Variants in MTHFD1L observed in about 807,000 individuals in gnomAD.
MTHFD1L encodes methylenetetrahydrofolate dehydrogenase (NADP+ dependent) 1 like.
A neutral mutation model predicts 119.5 loss-of-function variants in MTHFD1L; 81 were observed. That is an observed-to-expected ratio of 0.68 (90% CI 0.57 to 0.82). The LOEUF is 0.82. Among genes scored for constraint, MTHFD1L ranks in the 40% least tolerant of loss-of-function variants. The pLI, the probability that MTHFD1L is intolerant of heterozygous loss-of-function variation, is 0.00. For missense variants in MTHFD1L, 1,125 were observed against 1,253.4 expected (o/e 0.90, Z 1.55); for synonymous variants, 430 against 475.2 (o/e 0.90, Z 1.24).
At chr6:150,890,318 T>C (rs1783028817) in intron 7 of MTHFD1L, among the ~76,000 whole-genome samples, 1 of 151,948 alleles carries the variant, frequency 6.6e-6, no homozygotes, top group African/African-American at 2.4e-5. Context: ...AGAGGGGCAG[T>C]GGTGGTTCTG....
At chr6:151,059,467 G>T (rs899164398) in intron 26 of MTHFD1L, among the ~76,000 whole-genome samples, 4 of 152,110 alleles carry the variant, frequency 2.6e-5, no homozygotes, top group Non-Finnish European at 5.9e-5. Context: ...ACGAGCCACC[G>T]CACCTGGCCA....
intron 20 of MTHFD1L, among the ~76,000 whole-genome samples, chr6:150,977,035 AG>A (rs1439620547): frequency 6.6e-6 from 1 of 152,208 alleles, no homozygotes; most frequent in Non-Finnish European, 1.5e-5. Context: ...CTATATGTCA[AG>A]TACTATCTGC....
intron 20 of MTHFD1L, among the ~76,000 whole-genome samples, chr6:150,987,215 A>G (rs576969127): frequency 3.9e-5 from 6 of 152,302 alleles, no homozygotes; most frequent in African/African-American, 1.4e-4. Context: ...AGTTGCATCT[A>G]GCAGGCTATT....
At chr6:150,913,111 C>T (rs1787217821) in intron 8 of MTHFD1L, among the ~76,000 whole-genome samples, 1 of 152,090 alleles carries the variant, frequency 6.6e-6, no homozygotes, top group Non-Finnish European at 1.5e-5. Context: ...AAGCGATCCT[C>T]CTGCCCCAGC....
Position 150,909,573 on chromosome 6 carries a change from C to T in MTHFD1L, c.892+3812C>T, listed in dbSNP as rs924750314. On this transcript the variant is annotated intron_variant, in intron 8 of 27. Transcript: ENST00000367321. ...AAAATTATTTCAAATGAAAAAACTACGCACTGCTCTTGTAGTGCCCTGCTT... is the reference window on the plus strand; with the variant it reads ...AAAATTATTTCAAATGAAAAAACTATGCACTGCTCTTGTAGTGCCCTGCTT... Among the ~76,000 whole-genome samples the T allele has an allele frequency of 5.3e-5, 8 of 152,262 alleles. No homozygotes were observed. In the South Asian group the frequency reaches 8.3e-4, roughly 16 times the overall value.
chr6:150,944,302 CCAGGCACAATG>C (rs1219883506), intron 13 of MTHFD1L, among the ~76,000 whole-genome samples, 173 bp from the exon 14 acceptor site: 2 of 152,002 alleles, frequency 1.3e-5, no homozygotes, highest in East Asian at 4.0e-4. Context: ...CAAAAATTAG[CCAGGCACAATG>C]GTGTGCACCT....
intron 27 of MTHFD1L, among the ~76,000 whole-genome samples, chr6:151,095,267 C>G (rs1483947106): frequency 6.6e-6 from 1 of 152,172 alleles, no homozygotes; most frequent in Non-Finnish European, 1.5e-5. Flanking sequence ...TTGTGTGTTG[C>G]CAATGTCTTC....
Position 150,895,004 on chromosome 6 carries a change from C to A in MTHFD1L, c.780+7023C>A, listed in dbSNP as rs114701615. The stretch of plus-strand genomic sequence containing the variant: ...CTAGAGGTGGGGAGGGGAAGAACGC[C>A]TGGGCATTTGTCCAAATTAGCCATA... On this transcript the variant is annotated intron_variant, in intron 7 of 27. Transcript: ENST00000367321. Among the ~76,000 whole-genome samples, 509 of 152,258 alleles carry A rather than the reference C, an allele frequency of 3.3e-3. 2 individuals carry two copies. The highest frequency in any genetic ancestry group is 0.012 in the African/African-American group (483 of 41,542).
At chr6:150,983,306 C>A (rs1441840792) in intron 20 of MTHFD1L, among the ~76,000 whole-genome samples, 2 of 152,134 alleles carry the variant, frequency 1.3e-5, no homozygotes, top group Admixed American at 1.3e-4. Flanking sequence ...TAAAGATAAT[C>A]ATTTGTATTG....
intron 26 of MTHFD1L, among the ~76,000 whole-genome samples, chr6:151,047,920 G>A (rs1384027067): frequency 1.3e-5 from 2 of 152,148 alleles, no homozygotes; most frequent in Non-Finnish European, 2.9e-5. Flanking sequence ...GAGGCCTCAG[G>A]AAACTTACAA....
chr6:151,050,177 G>A (rs937349736), intron 26 of MTHFD1L, among the ~76,000 whole-genome samples: 2 of 152,078 alleles, frequency 1.3e-5, no homozygotes, highest in South Asian at 2.1e-4. Context: ...GTTGTTGTTT[G>A]TTTGAGACAG....
At chr6:150,884,232 C>T (rs1781848214) in intron 5 of MTHFD1L, among the ~76,000 whole-genome samples, 1 of 151,188 alleles carries the variant, frequency 6.6e-6, no homozygotes, top group South Asian at 2.1e-4. Flanking sequence ...AGCTCTGCCT[C>T]CTGGGTTCAC....
At chr6:150,984,150 C>T (rs992349478) in intron 20 of MTHFD1L, among the ~76,000 whole-genome samples, 1 of 152,150 alleles carries the variant, frequency 6.6e-6, no homozygotes, top group African/African-American at 2.4e-5. Context: ...AATAAAATGT[C>T]TTTACCTGGA....
At chr6:151,063,137 T>A (rs1158456382) in intron 26 of MTHFD1L, among the ~76,000 whole-genome samples, 2 of 152,234 alleles carry the variant, frequency 1.3e-5, no homozygotes, top group Non-Finnish European at 1.5e-5. Flanking sequence ...CTTTCCTTGA[T>A]GCTCACTCCA....
chr6:151,066,046 G>GC (rs1791193930), intron 26 of MTHFD1L, among the ~76,000 whole-genome samples: 1 of 152,166 alleles, frequency 6.6e-6, no homozygotes, highest in South Asian at 2.1e-4. Context: ...ATAGGATTCT[G>GC]CCCCCATGGG....
intron 27 of MTHFD1L, among the ~76,000 whole-genome samples, 161 bp downstream of exon 27, chr6:151,092,748 A>C (rs1159215810): frequency 6.6e-6 from 1 of 151,054 alleles, no homozygotes; most frequent in Non-Finnish European, 1.5e-5. Context: ...ACTGGAGTTC[A>C]CTCCTGGGTG....
intron 10 of MTHFD1L, among the ~76,000 whole-genome samples, chr6:150,923,216 C>T (rs2128899655): frequency 6.6e-6 from 1 of 152,244 alleles, no homozygotes; most frequent in East Asian, 1.9e-4. Flanking sequence ...CCTCAGAGTG[C>T]TCTCTGATGA....
intron 7 of MTHFD1L, among the ~76,000 whole-genome samples, chr6:150,888,295 G>A (rs753366856): frequency 6.6e-6 from 1 of 152,174 alleles, no homozygotes; most frequent in Non-Finnish European, 1.5e-5. Context: ...AGGGTAACAT[G>A]CTAAAGGAAA....
At chr6:151,092,437 T>C (rs1794534707) in intron 26 of MTHFD1L, 30 bp from the exon 27 acceptor site, 1 of 1,576,030 alleles carries the variant, frequency 6.3e-7, no homozygotes, top group Non-Finnish European at 8.7e-7. Flanking sequence ...TAGCATTTGC[T>C]AATCTGTAAC....
Sources: gnomAD v4.1 joint callset for allele counts (sites outside exome capture counted in the v4.1 genomes callset) on GRCh38, gnomAD v4.1.1 for gene constraint, MANE v1.5 for transcripts, NCBI Gene and HGNC (gene_info 2026-07-23, HGNC 2026-07-21) for gene names.